The following MYBPC2 variants were observed in gnomAD, a reference collection of about 807,000 sequenced individuals.
MYBPC2 encodes myosin-binding protein C, fast-type.
Under a neutral mutation model 137.0 loss-of-function variants are expected in MYBPC2, and 122 were observed. The observed-to-expected ratio is 0.89, with a 90% CI of 0.77 to 1.03. The LOEUF is 1.03. Ranked by LOEUF, MYBPC2 falls within the 50% of genes least tolerant of loss-of-function variation. MYBPC2 has a pLI of 0.00. For synonymous variants in MYBPC2, 626 were observed against 612.3 expected (o/e 1.02, Z -0.33); for missense variants, 1,500 against 1,534.4 (o/e 0.98, Z 0.37).
chr19:50,445,265 A>G (rs192008682), intron 11 of MYBPC2, among the ~76,000 whole-genome samples: 2 of 152,234 alleles, frequency 1.3e-5, no homozygotes, highest in Admixed American at 1.3e-4. Context: ...CTGAGACCCC[A>G]GGGCTTCCTC....
chr19:50,462,463 T>A (rs1167004951), intron 26 of MYBPC2, among the ~76,000 whole-genome samples: 1 of 148,728 alleles, frequency 6.7e-6, no homozygotes, highest in Non-Finnish European at 1.5e-5. Flanking sequence ...GGATTACAGG[T>A]GTGAGCCACC....
chr19:50,432,936 AG>A lies in MYBPC2; in HGVS notation c.-16del. The A allele has an allele frequency of 6.2e-7, 1 of 1,606,334 alleles. No individual in the cohort carries two copies. The highest frequency in any genetic ancestry group is 8.5e-7 in the Non-Finnish European group (1 of 1,177,774). The stretch of plus-strand genomic sequence containing the variant: ...GGGACGCGGCTGCGGTCAGAGGAGC[AG>A]GAGGAGGTCCCCCGACATGCCTGAG... On this transcript the variant is annotated 5_prime_UTR_variant, in exon 1 of 28. Coordinates refer to ENST00000357701, the MANE Select transcript of MYBPC2 (RefSeq NM_004533.4). The surrounding 1 kb of genome is among the most constrained non-coding windows in gnomAD (Gnocchi z 5.5).
chr19:50,437,143 T>G (rs1482193533), intron 5 of MYBPC2, among the ~76,000 whole-genome samples: 3 of 151,922 alleles, frequency 2.0e-5, no homozygotes, highest in South Asian at 2.1e-4. Flanking sequence ...TGAGGGTGTA[T>G]GGGCTCTGGG....
Position 50,455,236 on chromosome 19 carries a change from G to A in MYBPC2, c.2143G>A (p.Ala715Thr), listed in dbSNP as rs776420780. 1.7e-5 allele frequency: 28 copies of A among 1,613,552 alleles called. No homozygotes were observed. Among genetic ancestry groups the A allele is most frequent in the Admixed American group, 6.7e-5 (4 of 59,960 alleles). ...EGILYEMRVF[A>T]VNAIGVSQPS... is the part of the protein sequence containing the mutation. ...CATCCTCTATGAGATGCGTGTCTTC[G>A]CCGTCAATGCTATAGGGGTCTCCCA... Residue 715 changes from alanine (A) to threonine (T), a missense_variant, in exon 19 of 28, where the codon GCC (alanine) becomes ACC (threonine). Coordinates refer to ENST00000357701, the MANE Select transcript of MYBPC2 (RefSeq NM_004533.4).
chr19:50,449,237 TTG>T (rs763138574), intron 13 of MYBPC2, among the ~76,000 whole-genome samples: 6 of 152,082 alleles, frequency 3.9e-5, no homozygotes, highest in Non-Finnish European at 7.4e-5. Context: ...TGCAGGTTGG[TTG>T]GGGGCTGGCT....
rs747136038 is a variant in MYBPC2, at chr19:50,459,196, A to C, written c.2681A>C (p.Asp894Ala). ...GTGCACGTGCGGACCAGCGACTTCG[A>C]CACCGTGTTCTTCGTGCGCCAGGCG... ...SRVHVRTSDF[D>A]TVFFVRQAAR... The change falls in exon 23 of 28, where the codon GAC becomes GCC. Residue 894 changes from aspartate (D) to alanine (A), a missense_variant. Transcript: ENST00000357701. The C allele has an allele frequency of 8.7e-6, 14 of 1,609,722 alleles. No homozygotes were observed. Among genetic ancestry groups the C allele is most frequent in the Non-Finnish European group, 1.1e-5 (13 of 1,179,176 alleles).
In MYBPC2 at chr19:50,437,725, C is replaced by T; in HGVS notation, c.572+7C>T. On this transcript the variant is annotated splice_region_variant and intron_variant, in intron 7 of 27. Transcript: ENST00000357701. ...GTGGCCTGTTGAAGAAGAGGTGAGC[C>T]CCGGACTTGGCACAGAGAGGGGAGA... 6.3e-7 allele frequency: 1 copy of T among 1,599,514 alleles called. No individual in the cohort carries two copies. Among genetic ancestry groups the T allele is most frequent in the Non-Finnish European group, 8.5e-7 (1 of 1,173,122 alleles).
Position 50,454,314 on chromosome 19 carries a change from T to C in MYBPC2, c.1959T>C (p.Asp653=), listed in dbSNP as rs1415467387. 14 of 1,613,584 alleles carry C rather than the reference T, an allele frequency of 8.7e-6. No homozygotes were observed. The Admixed American group carries it at 1.7e-4, about 19-fold the overall frequency. The change falls in exon 18 of 28, where the codon GAT becomes GAC. Residue 653 remains aspartate (D), a synonymous_variant. Transcript: ENST00000357701. ...TGCGCATCACCTCGGTTGGAGAGGA[T>C]TGGGCCATCCTTGTCTGGGAGCCAC... The part of the protein sequence containing the change: ...EAVRITSVGE[D]WAILVWEPPM...
chr19:50,436,468 C>G, intron 4 of MYBPC2, 149 bp from the exon 5 acceptor site: 1 of 766,782 alleles, frequency 1.3e-6, no homozygotes, highest in Non-Finnish European at 2.1e-6. Context: ...GAGCTGGCCA[C>G]CAGGTGCTGA....
chr19:50,461,366 C>T (rs1164425298), intron 24 of MYBPC2, among the ~76,000 whole-genome samples, 176 bp from the exon 25 acceptor site: 1 of 152,134 alleles, frequency 6.6e-6, no homozygotes, highest in Non-Finnish European at 1.5e-5. Context: ...TCCATCCCTG[C>T]GCTGATGGGC....
chr19:50,454,277 C>A lies in MYBPC2; in HGVS notation c.1922C>A (p.Pro641His). The A allele has an allele frequency of 6.2e-7, 1 of 1,613,942 alleles. No individual in the cohort carries two copies. Among genetic ancestry groups the A allele is most frequent in the Non-Finnish European group, 8.5e-7 (1 of 1,179,876 alleles). ...IFLQVVDVPD[P>H]PEAVRITSVG... ...CTGCCCCCTGCAGATGTCCCAGACC[C>A]CCCGGAGGCTGTGCGCATCACCTCG... The change falls in exon 18 of 28, where the codon CCC becomes CAC. Residue 641 changes from proline to histidine, a missense_variant. Physicochemically the swap from Pro to His is moderately conservative, Grantham distance 77 (BLOSUM62 -2). Transcript: ENST00000357701.
rs746816703 is a variant in MYBPC2, at chr19:50,443,698, C to T, written c.1028-13C>T. The stretch of plus-strand genomic sequence containing the variant: ...TCCTGAAACGACTGACCTCCTGTCC[C>T]CCTGCCCCACAGAACCTCCAGTCCT... On this transcript the variant is annotated splice_polypyrimidine_tract_variant and intron_variant, in intron 10 of 27. Transcript: ENST00000357701. 1 of 1,612,494 alleles carries T rather than the reference C, an allele frequency of 6.2e-7. No individual in the cohort carries two copies. Among genetic ancestry groups the T allele is most frequent in the Admixed American group, 1.7e-5 (1 of 59,968 alleles).
chr19:50,461,108 A>G (rs963016273), intron 24 of MYBPC2, among the ~76,000 whole-genome samples: 2 of 151,752 alleles, frequency 1.3e-5, no homozygotes, highest in African/African-American at 4.8e-5. Context: ...GGTTCAGGCA[A>G]TCCTCCTCCC....
chr19:50,460,095 G>T lies in MYBPC2; in HGVS notation c.2847G>T (p.Ala949=), dbSNP rs757429155. The T allele has an allele frequency of 1.3e-6, 2 of 1,578,378 alleles. No homozygotes were observed. Among genetic ancestry groups the T allele is most frequent in the Non-Finnish European group, 1.7e-6 (2 of 1,162,614 alleles). ...VMVKEVWGTN[A]LVEWQAPKDD... is the part of the protein sequence containing the mutation. Reference sequence around the variant, plus strand: ...TGAAGGAGGTGTGGGGCACGAACGCGCTGGTGGAGTGGCAGGCCCCCAAAG... The same window carrying T: ...TGAAGGAGGTGTGGGGCACGAACGCTCTGGTGGAGTGGCAGGCCCCCAAAG... Residue 949 remains alanine, a synonymous_variant, in exon 24 of 28, where the codon GCG becomes GCT. Coordinates refer to ENST00000357701, the MANE Select transcript of MYBPC2 (RefSeq NM_004533.4).
intron 14 of MYBPC2, among the ~76,000 whole-genome samples, 171 bp downstream of exon 14, chr19:50,451,106 T>A (rs2039852955): frequency 6.6e-6 from 1 of 152,064 alleles, no homozygotes; most frequent in Non-Finnish European, 1.5e-5. Flanking sequence ...AGCGCTGAAC[T>A]CGCTGCCACC....
rs866329567 is a variant in MYBPC2, at chr19:50,443,504, G to A, written c.913G>A (p.Glu305Lys). The A allele has an allele frequency of 6.2e-7, 1 of 1,613,290 alleles. No homozygotes were observed. The highest frequency in any genetic ancestry group is 8.5e-7 in the Non-Finnish European group (1 of 1,179,636). ...AGACTTTTGAATCAGGTACGTGTTT[G>A]AGAACGTTGGTAAGAAGCGAATTCT... is the stretch of plus-strand genomic sequence containing the variant. ...EIKPSSKYVF[E>K]NVGKKRILTI... The change falls in exon 10 of 28, where the codon GAG (glutamate) becomes AAG (lysine). Residue 305 changes from glutamate (E) to lysine (K), a missense_variant. Transcript: ENST00000357701.
Position 50,443,697 on chromosome 19 carries a change from C to T in MYBPC2, c.1028-14C>T, listed in dbSNP as rs779770854. The T allele has an allele frequency of 1.1e-5, 17 of 1,612,436 alleles. No individual in the cohort carries two copies. In the African/African-American group the frequency reaches 2.1e-4, roughly 20 times the overall value. ...GTCCTGAAACGACTGACCTCCTGTC[C>T]CCCTGCCCCACAGAACCTCCAGTCC... On this transcript the variant is annotated splice_polypyrimidine_tract_variant and intron_variant, in intron 10 of 27. Coordinates refer to ENST00000357701, the MANE Select transcript of MYBPC2 (RefSeq NM_004533.4).
Position 50,448,378 on chromosome 19 carries a change from C to T in MYBPC2, c.1460C>T (p.Ser487Phe). ...CGGCCCAGCAAGAGGATCACCATTT[C>T]CCATGTAGGCAGGTGAGGAGTGGGC... is the stretch of plus-strand genomic sequence containing the variant. ...EVRPSKRITI[S>F]HVGRFHKLVI... The change falls in exon 13 of 28, where the codon TCC becomes TTC. Residue 487 changes from serine (S) to phenylalanine (F), a missense_variant. Physicochemically the swap from Ser to Phe is radical, Grantham distance 155 (BLOSUM62 -2). Transcript: ENST00000357701. The T allele has an allele frequency of 6.2e-7, 1 of 1,613,466 alleles. No homozygotes were observed. The highest frequency in any genetic ancestry group is 8.5e-7 in the Non-Finnish European group (1 of 1,179,532).
rs554026752 is a variant in MYBPC2 at position 50,435,311 on chromosome 19, C to T, written c.109+61C>T. ...CTTCTCATCTCCATCCTCCTCGCTA[C>T]GCCTCTCCAGGCCTTTCCCCAGCCT... On this transcript the variant is annotated intron_variant, in intron 2 of 27. Coordinates refer to ENST00000357701, the MANE Select transcript of MYBPC2 (RefSeq NM_004533.4). The surrounding 1 kb of genome is among the most constrained non-coding windows in gnomAD (Gnocchi z 4.8). 5.4e-5 allele frequency: 39 copies of T among 719,014 alleles called. No individual in the cohort carries two copies. Among genetic ancestry groups the T allele is most frequent in the African/African-American group, 4.0e-4 (23 of 56,940 alleles). The allele number at this position is 719,014 out of a possible 1,614,324, so 44.5% of individuals were successfully genotyped here. A position where few individuals can be genotyped will look rare whatever the true frequency, so the allele number is the denominator to read the frequency against.
Sources: allele counts gnomAD v4.1 joint callset (sites outside exome capture counted in the v4.1 genomes callset), GRCh38; gene constraint gnomAD v4.1.1; non-coding constraint Gnocchi (gnomAD v3.1); transcripts MANE v1.5; gene names NCBI Gene and HGNC (gene_info 2026-07-23, HGNC 2026-07-21).